Variants in SLX4IP observed in about 807,000 individuals in gnomAD.
SLX4IP encodes the protein protein SLX4IP.
A neutral mutation model predicts 32.9 loss-of-function variants in SLX4IP; 34 were observed. The ratio of observed to expected loss-of-function variants is 1.03; its 90% CI spans 0.79 to 1.38. SLX4IP has a LOEUF of 1.38. SLX4IP is among the 40% of genes most tolerant of loss of function. SLX4IP has a pLI of 0.00. For synonymous variants in SLX4IP, 172 were observed against 171.7 expected (o/e 1.00, Z -0.01); for missense variants, 444 against 479.0 (o/e 0.93, Z 0.68).
chr20:10,562,805 C>A (rs1450591457), intron 4 of SLX4IP, among the ~76,000 whole-genome samples: 1 of 152,162 alleles, frequency 6.6e-6, no homozygotes, highest in African/African-American at 2.4e-5. Flanking sequence ...TTTCTTTATC[C>A]ATTCATCTGG....
At chr20:10,503,995 A>C (rs1600938080) in intron 2 of SLX4IP, among the ~76,000 whole-genome samples, 1 of 152,316 alleles carries the variant, frequency 6.6e-6, no homozygotes, top group East Asian at 1.9e-4. Context: ...AGGTATTGGG[A>C]GTTAGGACTT....
At chr20:10,529,240 A>G (rs1348705772) in intron 2 of SLX4IP, among the ~76,000 whole-genome samples, 3 of 152,172 alleles carry the variant, frequency 2.0e-5, no homozygotes, top group African/African-American at 4.8e-5. Context: ...ATGTAATCTT[A>G]CGTTCATTAG....
intron 2 of SLX4IP, among the ~76,000 whole-genome samples, chr20:10,530,912 A>G (rs1394562707): frequency 6.6e-6 from 1 of 152,232 alleles, no homozygotes; most frequent in Non-Finnish European, 1.5e-5. Flanking sequence ...TATTATATAC[A>G]TGAGATATTT....
At chr20:10,528,238 AT>A (rs1472570545) in intron 2 of SLX4IP, among the ~76,000 whole-genome samples, 4 of 152,220 alleles carry the variant, frequency 2.6e-5, no homozygotes, top group African/African-American at 9.7e-5. Flanking sequence ...GAAATTTGAA[AT>A]TATATGAAAA....
chr20:10,454,124 G>T (rs929081959), intron 1 of SLX4IP, among the ~76,000 whole-genome samples: 2 of 151,938 alleles, frequency 1.3e-5, no homozygotes, highest in Non-Finnish European at 2.9e-5. Context: ...TCTGTATTTG[G>T]TTTTCTTTCA....
At chr20:10,567,243 G>A (rs1387804688) in intron 4 of SLX4IP, among the ~76,000 whole-genome samples, 1 of 152,178 alleles carries the variant, frequency 6.6e-6, no homozygotes, top group African/African-American at 2.4e-5. Flanking sequence ...TCTCCTGAAT[G>A]GGGCTTGCTG....
At chr20:10,518,549 C>CCTTCCTTT (rs1491112415) in intron 2 of SLX4IP, among the ~76,000 whole-genome samples, 554 of 52,870 alleles carry the variant, frequency 0.01, 88 homozygotes, top group East Asian at 0.021. Flanking sequence ...TTCCTTCCTT[C>CCTTCCTTT]CTTTCCTTCT....
chr20:10,464,773 CT>C (rs35108991), intron 2 of SLX4IP, among the ~76,000 whole-genome samples: 74,719 of 151,562 alleles, frequency 0.49, 19,882 homozygotes, highest in Non-Finnish European at 0.6. Context: ...CATATGAATA[CT>C]TTTTTTTTGT....
At chr20:10,584,481 C>A (rs184841486) in intron 4 of SLX4IP, among the ~76,000 whole-genome samples, 3,757 of 152,310 alleles carry the variant, frequency 0.025, 93 homozygotes, top group Admixed American at 0.086. Context: ...ATAAGACTCT[C>A]ACTACTAATT....
intron 3 of SLX4IP, among the ~76,000 whole-genome samples, chr20:10,560,174 C>T (rs1173822337): frequency 6.6e-6 from 1 of 152,228 alleles, no homozygotes; most frequent in Non-Finnish European, 1.5e-5. Context: ...TTGCTGTTGA[C>T]TGGGCTGTGG....
At position 10,542,293 on chromosome 20, in the gene SLX4IP, G is replaced by A. The variant is rs2066116126; in HGVS notation, c.28-13938G>A. On this transcript the variant is annotated intron_variant, in intron 2 of 7. Coordinates refer to ENST00000334534, the MANE Select transcript of SLX4IP (RefSeq NM_001009608.3). ...ACTTCCTGTTTGAAAAGTCCTGCTG[G>A]TCTGATCGTCTTCCTTAGGTGGAGC... Among the ~76,000 whole-genome samples, 3 of 152,156 alleles carry A rather than the reference G, an allele frequency of 2.0e-5. No homozygotes were observed. The South Asian group carries it at 6.2e-4, about 32-fold the overall frequency.
rs190799990 is a variant in SLX4IP, at chr20:10,618,536, A to G, written c.406-2778A>G. On this transcript the variant is annotated intron_variant, in intron 6 of 7. Transcript: ENST00000334534. The stretch of plus-strand genomic sequence containing the variant: ...GCTACCTTCCAGGTTGTAAGGAATC[A>G]TTTATGAAGGCCCTGGAAGATCCTG... 1.2e-3 allele frequency among the ~76,000 whole-genome samples: 188 copies of G among 152,324 alleles called. 1 individual carries two copies. The highest frequency in any genetic ancestry group is 4.3e-3 in the African/African-American group (180 of 41,576).
intron 6 of SLX4IP, among the ~76,000 whole-genome samples, chr20:10,610,899 G>A (rs1361789380): frequency 8.1e-6 from 1 of 123,888 alleles, no homozygotes; most frequent in Non-Finnish European, 1.8e-5. Flanking sequence ...TTAGGAAAGA[G>A]AGACTTCTTC....
intron 6 of SLX4IP, among the ~76,000 whole-genome samples, chr20:10,607,113 A>G (rs2066914107): frequency 6.6e-6 from 1 of 152,062 alleles, no homozygotes; most frequent in South Asian, 2.1e-4. Flanking sequence ...GGTCCTTTTT[A>G]TTCCGTGTAG....
intron 2 of SLX4IP, among the ~76,000 whole-genome samples, chr20:10,492,706 G>A (rs1038751247): frequency 1.1e-4 from 16 of 152,020 alleles, no homozygotes; most frequent in African/African-American, 3.9e-4. Context: ...CTGCTTGAAA[G>A]TATCTTTCCA....
intron 6 of SLX4IP, among the ~76,000 whole-genome samples, chr20:10,611,321 G>A (rs1279663062): frequency 1.3e-5 from 2 of 152,172 alleles, no homozygotes; most frequent in Non-Finnish European, 2.9e-5. Context: ...AGACAGCAAG[G>A]CCAACTCAAA....
chr20:10,458,294 G>A, intron 2 of SLX4IP, 63 bp downstream of exon 2: 1 of 1,435,730 alleles, frequency 7.0e-7, no homozygotes, highest in Non-Finnish European at 9.4e-7. Flanking sequence ...ACTGAGCTCT[G>A]TGTTAATTGA....
chr20:10,486,866 T>C (rs1228304372), intron 2 of SLX4IP, among the ~76,000 whole-genome samples: 2 of 152,028 alleles, frequency 1.3e-5, no homozygotes, highest in East Asian at 1.9e-4. Flanking sequence ...GATTCTAGCC[T>C]GAAAGAAAAT....
chr20:10,561,866 G>A (rs1467763193), intron 4 of SLX4IP, among the ~76,000 whole-genome samples: 1 of 152,178 alleles, frequency 6.6e-6, no homozygotes, highest in Non-Finnish European at 1.5e-5. Flanking sequence ...ATTCCATCGT[G>A]TATGTGTGCC....
Sources: allele counts gnomAD v4.1 joint callset (sites outside exome capture counted in the v4.1 genomes callset), GRCh38; gene constraint gnomAD v4.1.1; transcripts MANE v1.5; gene names NCBI Gene and HGNC (gene_info 2026-07-23, HGNC 2026-07-21).